MRPL43: variants seen among roughly 807,000 people sequenced by gnomAD.
MRPL43 encodes the protein mitochondrial ribosomal protein L43.
Under a neutral mutation model 12.7 loss-of-function variants are expected in MRPL43, and 9 were observed. The ratio of observed to expected loss-of-function variants is 0.71; its 90% CI spans 0.43 to 1.24. The LOEUF (loss-of-function observed/expected upper bound fraction) is 1.24. Ranked by LOEUF, MRPL43 falls within the 50% of genes most tolerant of loss-of-function variation. The pLI is 0.00. For synonymous variants in MRPL43, 116 were observed against 96.4 expected (o/e 1.20, Z -1.19); for missense variants, 211 against 229.2 (o/e 0.92, Z 0.51).
chr10:100,983,755 T>C, downstream of MRPL43: 1 of 1,612,230 alleles, frequency 6.2e-7, no homozygotes, highest in Admixed American at 1.7e-5. Flanking sequence ...AAATACTCAC[T>C]GGGTCGGGCC....
downstream of MRPL43, chr10:100,979,803 T>C (rs1258165066): frequency 6.2e-7 from 1 of 1,606,114 alleles, no homozygotes; most frequent in South Asian, 1.1e-5. Context: ...GGGGGCAGGC[T>C]TGACTCCATG....
At chr10:100,981,293 T>C (rs2133889472), downstream of MRPL43, 1 of 1,597,716 alleles carries the variant, frequency 6.3e-7, no homozygotes, top group Non-Finnish European at 8.6e-7. Context: ...TTTACTGCCA[T>C]GTGTACGTAT....
chr10:100,981,299 C>T (rs141196513), downstream of MRPL43: 614 of 1,595,038 alleles, frequency 3.8e-4, 2 homozygotes, highest in African/African-American at 7.3e-3. Flanking sequence ...GCCATGTGTA[C>T]GTATATGTTT....
At chr10:100,984,923 C>T (rs1361197103), downstream of MRPL43, 2 of 1,446,410 alleles carry the variant, frequency 1.4e-6, no homozygotes, top group Non-Finnish European at 9.1e-7. Flanking sequence ...GTCCCATCCC[C>T]ATGCACATGT....
At position 100,986,894 on chromosome 10, in the gene MRPL43, T is replaced by C; in HGVS notation, c.320A>G (p.Gln107Arg). Reference protein sequence around the residue: ...ISTLVQKLADQSGLDVIRIRK... With the variant: ...ISTLVQKLADRSGLDVIRIRK... ...GATGCGGATCACGTCCAAGCCCGAC[T>C]GGTCGGCCAGCTTCTGCACCAGCGT... Residue 107 changes from glutamine (Q) to arginine (R), a missense_variant, in exon 3 of 3, where the codon CAG (glutamine) becomes CGG (arginine). Gln to Arg is a conservative substitution (Grantham distance 43). Coordinates refer to ENST00000318364, the MANE Select transcript of MRPL43 (RefSeq NM_032112.3). The C allele has an allele frequency of 6.2e-7, 1 of 1,612,792 alleles. No individual in the cohort carries two copies. The highest frequency in any genetic ancestry group is 8.5e-7 in the Non-Finnish European group (1 of 1,180,022).
downstream of MRPL43, chr10:100,979,484 G>T: frequency 7.6e-7 from 1 of 1,314,868 alleles, no homozygotes; most frequent in Non-Finnish European, 1.0e-6. Context: ...CCGGGTTCAA[G>T]TGATTATCCT....
chr10:100,982,482 A>T (rs1157056692), downstream of MRPL43, among the ~76,000 whole-genome samples: 3 of 152,246 alleles, frequency 2.0e-5, no homozygotes, highest in East Asian at 5.8e-4. Context: ...ACAGAATCTT[A>T]GTGACAGTTA....
chr10:100,984,049 C>T (rs1295465666), downstream of MRPL43: 3 of 1,613,704 alleles, frequency 1.9e-6, no homozygotes, highest in Non-Finnish European at 1.7e-6. Flanking sequence ...GGGCCCTGCT[C>T]CTTCGCCGAG....
chr10:100,986,631 T>A lies in MRPL43; in HGVS notation c.*103A>T. On this transcript the variant is annotated 3_prime_UTR_variant, in exon 3 of 3. Coordinates refer to ENST00000318364, the MANE Select transcript of MRPL43 (RefSeq NM_032112.3). The stretch of plus-strand genomic sequence containing the variant: ...AGCAGAACCTCTGTCAACTTGCCCA[T>A]TGATGGGTTCCATTTGCCTGGGCTT... The A allele has an allele frequency of 6.2e-7, 1 of 1,613,694 alleles. No individual in the cohort carries two copies. Among genetic ancestry groups the A allele is most frequent in the Non-Finnish European group, 8.5e-7 (1 of 1,179,976 alleles).
At chr10:100,984,112 T>C (rs1424259786), downstream of MRPL43, 8 of 1,611,626 alleles carry the variant, frequency 5.0e-6, no homozygotes, top group East Asian at 2.2e-5. Context: ...GTGGAGCAGC[T>C]AGATGAGAGC....
downstream of MRPL43, chr10:100,985,014 G>C: frequency 8.7e-7 from 1 of 1,147,110 alleles, no homozygotes; most frequent in South Asian, 1.7e-5. Flanking sequence ...TCTTGGACCT[G>C]TCTGTTGGGT....
downstream of MRPL43, chr10:100,985,193 A>T (rs996061169): frequency 7.2e-5 from 24 of 333,364 alleles, no homozygotes; most frequent in African/African-American, 5.0e-4. Context: ...GAGAAATCTG[A>T]TGTCTCAACT....
downstream of MRPL43, among the ~76,000 whole-genome samples, chr10:100,986,067 T>A (rs1590008425): frequency 6.6e-6 from 1 of 152,224 alleles, no homozygotes; most frequent in East Asian, 1.9e-4. Context: ...GAAGGAGATG[T>A]ATAGCTAAGA....
downstream of MRPL43, chr10:100,983,539 T>G (rs746976668): frequency 2.5e-6 from 4 of 1,614,116 alleles, no homozygotes; most frequent in Non-Finnish European, 3.4e-6. Context: ...CTCCGCACCC[T>G]GCTGGCCTCC....
rs751537976 is a variant in MRPL43, at chr10:100,986,330, A to G, written c.*404T>C. ...TATAAATCTGTATTCACACAGATAT[A>G]AAGTGCCTAGCCCATCACAGCAGAG... On this transcript the variant is annotated 3_prime_UTR_variant, in exon 3 of 3. Coordinates refer to ENST00000318364, the MANE Select transcript of MRPL43 (RefSeq NM_032112.3). 3.9e-4 allele frequency: 559 copies of G among 1,430,882 alleles called. No homozygotes were observed. Among genetic ancestry groups the G allele is most frequent in the Admixed American group, 5.7e-4 (19 of 33,424 alleles). The allele number at this position is 1,430,882 out of a possible 1,614,324, so 88.6% of individuals were successfully genotyped here.
downstream of MRPL43, chr10:100,978,599 A>G (rs1246356373): frequency 6.2e-7 from 1 of 1,613,482 alleles, no homozygotes; most frequent in Non-Finnish European, 8.5e-7. Flanking sequence ...CGCCACCCAC[A>G]CTCCCTGAGA....
chr10:100,984,463 T>G, downstream of MRPL43: 1 of 1,522,382 alleles, frequency 6.6e-7, no homozygotes, highest in East Asian at 2.5e-5. Context: ...TCCATTCATC[T>G]GCCCAAACCC....
downstream of MRPL43, chr10:100,984,888 G>A: frequency 6.8e-7 from 1 of 1,468,828 alleles, no homozygotes; most frequent in South Asian, 1.4e-5. Flanking sequence ...ATTCTCAAGA[G>A]TATGAGAGAC....
At chr10:100,978,065 G>T (rs887548506), downstream of MRPL43, 4 of 580,804 alleles carry the variant, frequency 6.9e-6, no homozygotes, top group Admixed American at 3.0e-5. Flanking sequence ...TCATAGATAA[G>T]GAGTGAATCT....
Sources: gnomAD v4.1 joint callset for allele counts (sites outside exome capture counted in the v4.1 genomes callset) on GRCh38, gnomAD v4.1.1 for gene constraint, MANE v1.5 for transcripts, NCBI Gene and HGNC (gene_info 2026-07-23, HGNC 2026-07-21) for gene names.